SLC35F3: variants seen among roughly 807,000 people sequenced by gnomAD.
SLC35F3 encodes the protein putative thiamine transporter SLC35F3.
SLC35F3 carries 25 observed loss-of-function variants against 49.9 expected under a neutral mutation model. The observed-to-expected ratio is 0.50, with a 90% CI of 0.37 to 0.70. SLC35F3 has a LOEUF of 0.70. SLC35F3 is among the 30% of genes least tolerant of loss of function. SLC35F3 has a pLI of 0.00. For synonymous variants in SLC35F3, 275 were observed against 265.4 expected (o/e 1.04, Z -0.35); for missense variants, 525 against 639.8 (o/e 0.82, Z 1.94).
At chr1:234,003,154 A>C (rs1408062072) in intron 2 of SLC35F3, among the ~76,000 whole-genome samples, 2 of 147,834 alleles carry the variant, frequency 1.4e-5, no homozygotes, top group South Asian at 4.3e-4. Context: ...GGAAACCAAG[A>C]TCTGTGTGAA....
chr1:234,091,281 G>A (rs1320285657), intron 2 of SLC35F3, among the ~76,000 whole-genome samples: 2 of 152,124 alleles, frequency 1.3e-5, no homozygotes, highest in African/African-American at 4.8e-5. Context: ...TGAGGCTTTT[G>A]TTCTCCAGCC....
intron 2 of SLC35F3, among the ~76,000 whole-genome samples, chr1:234,111,040 C>T (rs1284629730): frequency 1.3e-5 from 2 of 151,624 alleles, no homozygotes; most frequent in African/African-American, 4.9e-5. Flanking sequence ...GATTTTAGAA[C>T]ATTGTTATAG....
At chr1:234,107,481 C>G (rs1230933340) in intron 2 of SLC35F3, among the ~76,000 whole-genome samples, 2 of 151,904 alleles carry the variant, frequency 1.3e-5, no homozygotes, top group Non-Finnish European at 2.9e-5. Flanking sequence ...TTGCTATTAC[C>G]GGGGAGTAAA....
chr1:234,207,813 G>A (rs139716979), intron 2 of SLC35F3, among the ~76,000 whole-genome samples: 162 of 152,172 alleles, frequency 1.1e-3, no homozygotes, highest in African/African-American at 3.1e-3. Flanking sequence ...ACAAGCCTGG[G>A]CAACATAGTA....
rs553353097 is a variant in SLC35F3, at chr1:233,964,297, C to G, written c.283+58539C>G. On this transcript the variant is annotated intron_variant, in intron 2 of 7. Coordinates refer to ENST00000366618, the MANE Select transcript of SLC35F3 (RefSeq NM_173508.4). ...AGATGTGAGGCGTGCTCAAAATGCA[C>G]ACAGCCATACGTAGAACCTGCCACC... 9.2e-5 allele frequency among the ~76,000 whole-genome samples: 14 copies of G among 152,308 alleles called. No homozygotes were observed. The South Asian group carries it at 2.9e-3, about 32-fold the overall frequency.
chr1:234,128,678 A>G (rs755547248), intron 2 of SLC35F3, among the ~76,000 whole-genome samples: 1 of 152,214 alleles, frequency 6.6e-6, no homozygotes, highest in Non-Finnish European at 1.5e-5. Context: ...AAGAAAAGGC[A>G]TGGGTATGCA....
intron 2 of SLC35F3, among the ~76,000 whole-genome samples, chr1:234,096,295 G>A (rs2102879669): frequency 6.6e-6 from 1 of 152,202 alleles, no homozygotes; most frequent in South Asian, 2.1e-4. Flanking sequence ...GGCTCTCCCA[G>A]CCTCCCTGGG....
chr1:234,077,599 G>C (rs926555881), intron 2 of SLC35F3, among the ~76,000 whole-genome samples: 1 of 152,210 alleles, frequency 6.6e-6, no homozygotes, highest in Admixed American at 6.5e-5. Flanking sequence ...TTTGGGTGGG[G>C]ACATAAAGCC....
rs772850674 is a variant in SLC35F3, at chr1:233,989,311, T to C, written c.283+83553T>C. Among the ~76,000 whole-genome samples the C allele has an allele frequency of 1.4e-4, 21 of 152,368 alleles. No homozygotes were observed. The Middle Eastern group carries it at 0.014, about 99-fold the overall frequency. On this transcript the variant is annotated intron_variant, in intron 2 of 7. Transcript: ENST00000366618. ...AAGCTTTATAATGACAGAGAATTTC[T>C]ATGAAAACTTTTTTGTTTCATAATG...
At chr1:234,206,805 C>T (rs1401300129) in intron 2 of SLC35F3, among the ~76,000 whole-genome samples, 2 of 152,194 alleles carry the variant, frequency 1.3e-5, no homozygotes, top group Admixed American at 1.3e-4. Context: ...ACTTCTGAAA[C>T]TGGGTCTGCC....
intron 2 of SLC35F3, among the ~76,000 whole-genome samples, chr1:233,988,188 A>C (rs1423451007): frequency 6.6e-6 from 1 of 152,212 alleles, no homozygotes; most frequent in Admixed American, 6.5e-5. Context: ...TCTAGGGATC[A>C]GATGGTTTCA....
chr1:233,990,203 A>G (rs1663329860), intron 2 of SLC35F3, among the ~76,000 whole-genome samples: 1 of 152,232 alleles, frequency 6.6e-6, no homozygotes, highest in South Asian at 2.1e-4. Context: ...CAATGGACAT[A>G]ATAGTATTTA....
At chr1:234,146,041 A>T (rs1055802392) in intron 2 of SLC35F3, among the ~76,000 whole-genome samples, 2 of 152,178 alleles carry the variant, frequency 1.3e-5, no homozygotes, top group Admixed American at 6.5e-5. Flanking sequence ...TATAAACAAC[A>T]TGTAGGTGGA....
intron 3 of SLC35F3, among the ~76,000 whole-genome samples, chr1:234,293,221 G>A (rs902622027): frequency 6.6e-6 from 1 of 152,178 alleles, no homozygotes; most frequent in Non-Finnish European, 1.5e-5. Context: ...TGCACAGAAA[G>A]GAGCCATAAA....
chr1:234,101,209 A>G (rs944007880), intron 2 of SLC35F3, among the ~76,000 whole-genome samples: 6 of 152,062 alleles, frequency 3.9e-5, no homozygotes, highest in Non-Finnish European at 7.4e-5. Flanking sequence ...ACGGCAGTCA[A>G]TGGTTATTCA....
rs920453178 is a variant in SLC35F3, at chr1:234,214,644, G to C, written c.284-16773G>C. The C allele has an allele frequency of 6.8e-7, 1 of 1,475,360 alleles. No homozygotes were observed. The highest frequency in any genetic ancestry group is 1.5e-5 in the African/African-American group (1 of 68,188). The allele number at this position is 1,475,360 out of a possible 1,614,324, so 91.4% of individuals were successfully genotyped here. On this transcript the variant is annotated intron_variant, in intron 2 of 7. Transcript: ENST00000366618. This position sits in a 1 kb window ranked among gnomAD's most constrained non-coding sequence, Gnocchi z 8.0. ...GGGGAATGCTGCCACCCTGAGGGGG[G>C]CTGTCTGGCTGCGGGGCGCCGGGGC...
At chr1:233,975,264 A>T (rs1663062226) in intron 2 of SLC35F3, among the ~76,000 whole-genome samples, 1 of 152,258 alleles carries the variant, frequency 6.6e-6, no homozygotes, top group Non-Finnish European at 1.5e-5. Flanking sequence ...AAGGGGCAGC[A>T]TTTTGATGTT....
intron 2 of SLC35F3, among the ~76,000 whole-genome samples, chr1:234,044,033 A>G (rs770704097): frequency 2.0e-5 from 3 of 152,154 alleles, no homozygotes; most frequent in Non-Finnish European, 4.4e-5. Context: ...GGTAGGGCCT[A>G]ATGGGAAGCT....
chr1:234,159,402 C>A (rs538929996), intron 2 of SLC35F3, among the ~76,000 whole-genome samples: 8 of 152,114 alleles, frequency 5.3e-5, no homozygotes, highest in South Asian at 2.1e-4. Context: ...CATGGTGAAA[C>A]GCCGTCTCTA....
Sources: gnomAD v4.1 joint callset for allele counts (sites outside exome capture counted in the v4.1 genomes callset) on GRCh38, gnomAD v4.1.1 for gene constraint, Gnocchi (gnomAD v3.1) non-coding constraint, MANE v1.5 for transcripts, NCBI Gene and HGNC (gene_info 2026-07-23, HGNC 2026-07-21) for gene names.